MYO1E: variants seen among roughly 807,000 people sequenced by gnomAD.
MYO1E encodes the protein unconventional myosin-Ie.
Under a neutral mutation model 151.1 loss-of-function variants are expected in MYO1E, and 68 were observed. That is an observed-to-expected ratio of 0.45 (90% CI 0.37 to 0.55). The LOEUF (loss-of-function observed/expected upper bound fraction) is 0.55, where lower values mean the gene tolerates loss of function less well. MYO1E is among the 20% of genes least tolerant of loss of function. The pLI is 0.00. For missense variants in MYO1E, 1,363 were observed against 1,389.3 expected (o/e 0.98, Z 0.30); for synonymous variants, 601 against 501.7 (o/e 1.20, Z -2.64).
intron 3 of MYO1E, among the ~76,000 whole-genome samples, chr15:59,257,063 C>A (rs1434433889): frequency 6.6e-6 from 1 of 152,178 alleles, no homozygotes; most frequent in African/African-American, 2.4e-5. Flanking sequence ...TAGCTATGCA[C>A]AAATATCAAA....
chr15:59,320,291 C>T (rs7169866), intron 1 of MYO1E, among the ~76,000 whole-genome samples: 32,620 of 151,948 alleles, frequency 0.21, 3,929 homozygotes, highest in East Asian at 0.52. Flanking sequence ...AAACAACCAA[C>T]GTCATTTTTC....
intron 1 of MYO1E, among the ~76,000 whole-genome samples, chr15:59,293,454 G>C (rs1439779296): frequency 2.6e-5 from 4 of 151,994 alleles, no homozygotes; most frequent in African/African-American, 7.2e-5. Flanking sequence ...ACCAAGGCAG[G>C]AGAATCGCTT....
At chr15:59,260,651 G>A (rs1052897658) in intron 3 of MYO1E, among the ~76,000 whole-genome samples, 1 of 152,144 alleles carries the variant, frequency 6.6e-6, no homozygotes, top group Non-Finnish European at 1.5e-5. Flanking sequence ...AGCTGATTAT[G>A]AATAGGAACC....
intron 17 of MYO1E, among the ~76,000 whole-genome samples, chr15:59,194,398 G>A (rs150083932): frequency 2.0e-5 from 3 of 152,272 alleles, no homozygotes; most frequent in East Asian, 3.9e-4. Context: ...GTTTCCTCCT[G>A]TAAAGGATCA....
At chr15:59,174,874 T>G (rs1443883200) in intron 19 of MYO1E, among the ~76,000 whole-genome samples, 2 of 152,098 alleles carry the variant, frequency 1.3e-5, no homozygotes, top group Non-Finnish European at 2.9e-5. Context: ...CCAGAAAGGC[T>G]GGGGCTGTTT....
chr15:59,140,742 G>A (rs1412731601), intron 26 of MYO1E, among the ~76,000 whole-genome samples: 1 of 152,228 alleles, frequency 6.6e-6, no homozygotes, highest in Non-Finnish European at 1.5e-5. Context: ...ACAAAGGGGT[G>A]GCTGGGGGGA....
chr15:59,205,128 ACAT>A (rs1221449875), intron 15 of MYO1E, among the ~76,000 whole-genome samples: 3 of 152,152 alleles, frequency 2.0e-5, no homozygotes, highest in Non-Finnish European at 2.9e-5. Context: ...TAACCACTAA[ACAT>A]CACAGGTGTT....
chr15:59,288,323 G>C (rs564096245), intron 1 of MYO1E, among the ~76,000 whole-genome samples: 1 of 152,208 alleles, frequency 6.6e-6, no homozygotes, highest in African/African-American at 2.4e-5. Context: ...CTACAGGTGT[G>C]TGCCACCATG....
At chr15:59,329,483 A>G (rs2140422203) in intron 1 of MYO1E, among the ~76,000 whole-genome samples, 1 of 152,324 alleles carries the variant, frequency 6.6e-6, no homozygotes, top group African/African-American at 2.4e-5. Context: ...CTCAGAATGT[A>G]AACATTTCGG....
chr15:59,236,118 G>T (rs776088596), intron 5 of MYO1E, among the ~76,000 whole-genome samples: 9 of 151,998 alleles, frequency 5.9e-5, no homozygotes, highest in Non-Finnish European at 7.4e-5. Context: ...GAGGAGGGCA[G>T]ATCACCTGAG....
At position 59,195,482 on chromosome 15, in the gene MYO1E, G is replaced by T. The variant is rs770473779; in HGVS notation, c.1784C>A (p.Pro595His). 13 of 1,613,760 alleles carry T rather than the reference G, an allele frequency of 8.1e-6. No individual in the cohort carries two copies. The South Asian group carries it at 1.4e-4, about 18-fold the overall frequency. ...ATACCTGCTTTCCTCCCAGTCTCTG[G>T]GCTTCTTGGTTTCGTTTGGCTTGAT... is the stretch of plus-strand genomic sequence containing the variant. ...RCIKPNETKKPRDWEESRVKH... is the reference protein window; with the variant it reads ...RCIKPNETKKHRDWEESRVKH... Residue 595 changes from proline (P) to histidine (H), a missense_variant, in exon 17 of 28, where the codon CCC becomes CAC. By Grantham distance (77) the Pro-to-His change is moderately conservative. Coordinates refer to ENST00000288235, the MANE Select transcript of MYO1E (RefSeq NM_004998.4).
rs543773460 is a variant in MYO1E, at chr15:59,248,398, A to T, written c.332+7886T>A. On this transcript the variant is annotated intron_variant, in intron 4 of 27. Coordinates refer to ENST00000288235, the MANE Select transcript of MYO1E (RefSeq NM_004998.4). ...CTACTTGGGATGCTGAGGCAGGAGAATCGCTTGAACCCGGGGGGATGGAGG... is the reference window on the plus strand; with the variant it reads ...CTACTTGGGATGCTGAGGCAGGAGATTCGCTTGAACCCGGGGGGATGGAGG... Among the ~76,000 whole-genome samples the T allele has an allele frequency of 8.2e-5, 12 of 146,772 alleles. 1 individual carries two copies. The highest frequency in any genetic ancestry group is 3.0e-4 in the African/African-American group (12 of 40,080).
chr15:59,278,430 G>C (rs2080334469), intron 1 of MYO1E, among the ~76,000 whole-genome samples: 1 of 152,150 alleles, frequency 6.6e-6, no homozygotes, highest in Non-Finnish European at 1.5e-5. Flanking sequence ...TTAATTTTAA[G>C]ACATTCTGGA....
chr15:59,139,567 C>T (rs1430812702), intron 26 of MYO1E, among the ~76,000 whole-genome samples: 1 of 149,026 alleles, frequency 6.7e-6, no homozygotes, highest in Non-Finnish European at 1.5e-5. Context: ...CTCACCTTCT[C>T]ATTATTTCTT....
At chr15:59,185,378 C>A (rs1173438771) in intron 18 of MYO1E, among the ~76,000 whole-genome samples, 1 of 152,220 alleles carries the variant, frequency 6.6e-6, no homozygotes, top group Non-Finnish European at 1.5e-5. Flanking sequence ...AGCAATTCTC[C>A]TGCCTCAGCC....
chr15:59,225,733 G>T (rs1337022061), intron 7 of MYO1E, among the ~76,000 whole-genome samples: 1 of 148,614 alleles, frequency 6.7e-6, no homozygotes, highest in African/African-American at 2.5e-5. Context: ...TGCAAGCTCC[G>T]CCTCCCAGGT....
At chr15:59,162,629 G>C (rs1385812432) in intron 23 of MYO1E, among the ~76,000 whole-genome samples, 9 of 129,828 alleles carry the variant, frequency 6.9e-5, no homozygotes, top group African/African-American at 2.1e-4. Context: ...CTGGGCAACA[G>C]AACGAGACGC....
At chr15:59,147,169 G>C (rs1454604957) in intron 26 of MYO1E, among the ~76,000 whole-genome samples, 1 of 152,110 alleles carries the variant, frequency 6.6e-6, no homozygotes, top group East Asian at 1.9e-4. Flanking sequence ...GGTGCCAAAA[G>C]CCCACAAGAA....
intron 18 of MYO1E, among the ~76,000 whole-genome samples, chr15:59,185,889 C>A (rs1005274611): frequency 6.6e-6 from 1 of 152,138 alleles, no homozygotes; most frequent in African/African-American, 2.4e-5. Context: ...CTAAACATCC[C>A]ACAATACACA....
Sources: allele counts gnomAD v4.1 joint callset (sites outside exome capture counted in the v4.1 genomes callset), GRCh38; gene constraint gnomAD v4.1.1; transcripts MANE v1.5; gene names NCBI Gene and HGNC (gene_info 2026-07-23, HGNC 2026-07-21).